The following CELF2 variants were observed in gnomAD, a reference collection of about 807,000 sequenced individuals.
CELF2 encodes the protein CUGBP Elav-like family member 2.
CELF2 carries 8 observed loss-of-function variants against 62.6 expected under a neutral mutation model. The observed-to-expected ratio is 0.13, with a 90% confidence interval of 0.07 to 0.23. The LOEUF (loss-of-function observed/expected upper bound fraction) is 0.23, where lower values mean the gene tolerates loss of function less well. Among genes scored for constraint, CELF2 ranks in the 10% least tolerant of loss-of-function variants. CELF2 has a pLI of 1.00. For missense variants in CELF2, 333 were observed against 671.0 expected, an observed-to-expected ratio of 0.50 and a Z score of 5.56; for synonymous variants, 258 against 250.0, an observed-to-expected ratio of 1.03 and a Z score of -0.30.
intron 1 of CELF2, among the ~76,000 whole-genome samples, chr10:10,867,529 C>T (rs570191736): frequency 3.9e-5 from 6 of 152,160 alleles, no homozygotes; most frequent in Admixed American, 6.5e-5. Context: ...TCTTTCATAT[C>T]GCTAATCTTA....
At chr10:10,657,941 T>A in the CELF2 span, among the ~76,000 whole-genome samples, 4 of 152,256 alleles carry the variant, frequency 2.6e-5, no homozygotes, top group Admixed American at 6.5e-5. Context: ...TATTAACTTT[T>A]ACTTTTATTC....
chr10:10,919,835 C>A, intron 1 of CELF2: 1 of 522,554 alleles, frequency 1.9e-6, no homozygotes, highest in Non-Finnish European at 2.9e-6. Flanking sequence ...TTTTAACTTT[C>A]TAACCACCTG....
At chr10:10,508,762 C>T in the CELF2 span, among the ~76,000 whole-genome samples, 9 of 150,508 alleles carry the variant, frequency 6.0e-5, no homozygotes, top group African/African-American at 2.5e-5. Flanking sequence ...AATGCAATGG[C>T]GTGATCTCGG....
chr10:10,987,377 G>T (rs764354824), intron 2 of CELF2, among the ~76,000 whole-genome samples: 1 of 151,574 alleles, frequency 6.6e-6, no homozygotes, highest in African/African-American at 2.4e-5. Flanking sequence ...GTAAACTAAG[G>T]CGTATATATA....
intron 1 of CELF2, among the ~76,000 whole-genome samples, chr10:11,086,973 C>T (rs2141730828): frequency 6.6e-6 from 1 of 152,272 alleles, no homozygotes; most frequent in East Asian, 1.9e-4. Context: ...TGCTTGGAGA[C>T]ATTCACTGGC....
At chr10:11,058,854 G>A (rs1240420720) in intron 1 of CELF2, among the ~76,000 whole-genome samples, 1 of 152,136 alleles carries the variant, frequency 6.6e-6, no homozygotes, top group African/African-American at 2.4e-5. Flanking sequence ...AATCATAGCT[G>A]ACTGCCACCT....
At chr10:10,571,113 T>C in the CELF2 span, among the ~76,000 whole-genome samples, 3 of 152,256 alleles carry the variant, frequency 2.0e-5, no homozygotes, top group Admixed American at 6.5e-5. Flanking sequence ...CATAATTTAA[T>C]ACTTTCAGAA....
chr10:10,846,046 A>G, intron 1 of CELF2: 1 of 947,200 alleles, frequency 1.1e-6, no homozygotes, highest in Non-Finnish European at 1.3e-6. Flanking sequence ...TAACCTGTGA[A>G]CCCCCTTTCA....
chr10:11,247,985 C>T lies in CELF2; in HGVS notation c.355-1168C>T, dbSNP rs531690150. On this transcript the variant is annotated intron_variant, in intron 3 of 12. Transcript: ENST00000633077. The surrounding 1 kb of genome is among the most constrained non-coding windows in gnomAD (Gnocchi z 5.4). The stretch of plus-strand genomic sequence containing the variant: ...TCCTGACTGCCTGATGATAATTTCC[C>T]ATGATGAAAGTATCAGAGCCAAGTG... Among the ~76,000 whole-genome samples, 10 of 152,284 alleles carry T rather than the reference C, an allele frequency of 6.6e-5. No individual in the cohort carries two copies. Among genetic ancestry groups the T allele is most frequent in the African/African-American group, 2.4e-4 (10 of 41,552 alleles).
At chr10:10,509,717 C>A in the CELF2 span, among the ~76,000 whole-genome samples, 2 of 152,142 alleles carry the variant, frequency 1.3e-5, no homozygotes, top group Non-Finnish European at 2.9e-5. Flanking sequence ...GTCAAAGAGG[C>A]CCTTTGAGAT....
chr10:10,463,187 G>C, the CELF2 span, among the ~76,000 whole-genome samples: 4 of 152,140 alleles, frequency 2.6e-5, no homozygotes, highest in Non-Finnish European at 4.4e-5. Context: ...ATCATTTGCA[G>C]ACCTTGTATT....
intron 2 of CELF2, among the ~76,000 whole-genome samples, chr10:10,952,467 G>A (rs755436559): frequency 2.4e-4 from 37 of 152,356 alleles, no homozygotes; most frequent in Non-Finnish European, 4.4e-4. Context: ...AGCGAGCAAG[G>A]AAGTCAGGAA....
At chr10:10,853,681 C>G (rs72772008) in intron 1 of CELF2, among the ~76,000 whole-genome samples, 2,264 of 151,888 alleles carry the variant, frequency 0.015, 27 homozygotes, top group Middle Eastern at 0.048. Flanking sequence ...GGTCACGTGC[C>G]TTCCTCCTGG....
rs1399536389 is a variant in CELF2 at position 11,333,401 on chromosome 10, A to G, written c.*4348A>G. ...CAATTGTAGAGAATAGTCATTTTTA[A>G]TCTAAATTAGAGAATTGTGATACAA... is the stretch of plus-strand genomic sequence containing the variant. On this transcript the variant is annotated 3_prime_UTR_variant, in exon 13 of 13. Transcript: ENST00000633077. 6.5e-6 allele frequency: 1 copy of G among 152,682 alleles called. No individual in the cohort carries two copies. The highest frequency in any genetic ancestry group is 1.5e-5 in the Non-Finnish European group (1 of 68,046). 9.5% of individuals were successfully genotyped at this position (152,682 alleles called of 1,614,324 possible). A position where few individuals can be genotyped will look rare whatever the true frequency, so the allele number is the denominator to read the frequency against.
In CELF2 at chr10:11,318,928, G is replaced by C. The variant is rs937777886; in HGVS notation, c.1097-2261G>C. 10 of 471,170 alleles carry C rather than the reference G, an allele frequency of 2.1e-5. No homozygotes were observed. Among genetic ancestry groups the C allele is most frequent in the African/African-American group, 1.6e-4 (8 of 50,196 alleles). The allele number at this position is 471,170 out of a possible 1,614,324, so 29.2% of individuals were successfully genotyped here. A position where few individuals can be genotyped will look rare whatever the true frequency, so the allele number is the denominator to read the frequency against. On this transcript the variant is annotated intron_variant, in intron 10 of 12. Transcript: ENST00000633077. This position sits in a 1 kb window ranked among gnomAD's most constrained non-coding sequence, Gnocchi z 5.4. ...GGCCTGAAAACTCCCACCCGCAGCA[G>C]ACAAGGCATCATGGTGGTGCGATGC...
rs934468343 is a variant in CELF2 at position 11,181,211 on chromosome 10, C to T, written c.271+15529C>T. 3.3e-5 allele frequency among the ~76,000 whole-genome samples: 5 copies of T among 152,148 alleles called. No individual in the cohort carries two copies. The South Asian group carries it at 6.2e-4, about 19-fold the overall frequency. On this transcript the variant is annotated intron_variant, in intron 2 of 12. Transcript: ENST00000633077. ...ACCTAAATATTTTGTTGGTAGCATC[C>T]CCACTTTTAACCATGACATTGTCCT...
chr10:10,534,545 G>A, the CELF2 span, among the ~76,000 whole-genome samples: 2 of 152,194 alleles, frequency 1.3e-5, no homozygotes, highest in African/African-American at 4.8e-5. Context: ...GATAAAGGGA[G>A]ATACAGATAA....
intron 1 of CELF2, among the ~76,000 whole-genome samples, chr10:11,042,542 C>A (rs2062021660): frequency 6.6e-6 from 1 of 152,192 alleles, no homozygotes; most frequent in African/African-American, 2.4e-5. Flanking sequence ...CTGTCTTTCA[C>A]ATACCACGAA....
At chr10:11,148,874 A>AC (rs57055138) in intron 1 of CELF2, among the ~76,000 whole-genome samples, 13 of 150,578 alleles carry the variant, frequency 8.6e-5, no homozygotes, top group African/African-American at 2.7e-4. Flanking sequence ...ACACACACAC[A>AC]AAGCAAGCCC....
Sources: allele counts gnomAD v4.1 joint callset (sites outside exome capture counted in the v4.1 genomes callset), GRCh38; gene constraint gnomAD v4.1.1; non-coding constraint Gnocchi (gnomAD v3.1); transcripts MANE v1.5; gene names NCBI Gene and HGNC (gene_info 2026-07-23, HGNC 2026-07-21).